Variants in USP28 observed in about 807,000 individuals in gnomAD.
USP28 encodes the protein ubiquitin carboxyl-terminal hydrolase 28.
USP28 carries 113 observed loss-of-function variants against 145.0 expected under a neutral mutation model. The ratio of observed to expected loss-of-function variants is 0.78; its 90% confidence interval spans 0.67 to 0.91. USP28 has a LOEUF of 0.91. Ranked by LOEUF, USP28 falls within the 40% of genes least tolerant of loss-of-function variation. The probability of loss-of-function intolerance (pLI) is 0.00; values close to 1 mark genes in which losing one functional copy is unlikely to be tolerated. For synonymous variants in USP28, 447 were observed against 450.9 expected (o/e 0.99, Z 0.11); for missense variants, 1,201 against 1,289.6 (o/e 0.93, Z 1.05).
chr11:113,819,560 T>A (rs1942293372), intron 12 of USP28, among the ~76,000 whole-genome samples: 1 of 152,214 alleles, frequency 6.6e-6, no homozygotes, highest in African/African-American at 2.4e-5. Flanking sequence ...TCTTTTATAT[T>A]TTCCCAGGAC....
intron 1 of USP28, among the ~76,000 whole-genome samples, chr11:113,855,819 G>A (rs559238330): frequency 4.6e-4 from 70 of 152,338 alleles, no homozygotes; most frequent in Non-Finnish European, 6.8e-4. Context: ...GCTGAGGCAG[G>A]AGAATTGCTT....
At chr11:113,865,077 C>T (rs903756900) in intron 1 of USP28, among the ~76,000 whole-genome samples, 5 of 152,170 alleles carry the variant, frequency 3.3e-5, no homozygotes, top group African/African-American at 7.2e-5. Context: ...TGAGGTCAAG[C>T]AATCCCCCCC....
chr11:113,809,304 C>T (rs1217614295), intron 16 of USP28, 50 bp from the exon 17 acceptor site: 3 of 1,541,834 alleles, frequency 1.9e-6, no homozygotes, highest in African/African-American at 2.8e-5. Context: ...ACGAAAACAT[C>T]CTTTTTAGAA....
In USP28 at chr11:113,874,443, A is replaced by AAC. The variant is rs1229230974; in HGVS notation, c.57+1001_57+1002insGT. The AAC allele has an allele frequency of 1.3e-5, 14 of 1,117,956 alleles. No individual in the cohort carries two copies. In the African/African-American group the frequency reaches 2.2e-4, roughly 17 times the overall value. 69.3% of individuals were successfully genotyped at this position (1,117,956 alleles called of 1,614,324 possible). A position where few individuals can be genotyped will look rare whatever the true frequency, so the allele number is the denominator to read the frequency against. Reference sequence around the variant, plus strand: ...CTGTCGAAAAAAAAAAAAAAAAAAAAAAAAAAGTGTCTCCATGCTAAATAC... The same window carrying AAC: ...CTGTCGAAAAAAAAAAAAAAAAAAAAACAAAAAAGTGTCTCCATGCTAAATAC... On this transcript the variant is annotated intron_variant, in intron 1 of 24. Coordinates refer to ENST00000003302, the Ensembl canonical transcript of USP28.
chr11:113,860,442 CAAAAAAAA>C, intron 1 of USP28, among the ~76,000 whole-genome samples: 1 of 134,622 alleles, frequency 7.4e-6, no homozygotes, highest in East Asian at 2.2e-4. Context: ...CCAAGGGAAG[CAAAAAAAA>C]AAAAAAGAAA....
At chr11:113,818,897 AAAG>A (rs1033853374) in intron 12 of USP28, among the ~76,000 whole-genome samples, 13 of 150,802 alleles carry the variant, frequency 8.6e-5, no homozygotes, top group Non-Finnish European at 1.8e-4. Flanking sequence ...AAAAAAAAAC[AAAG>A]AAGACAAGAC....
At chr11:113,830,019 A>T (rs1474802272) in intron 9 of USP28, among the ~76,000 whole-genome samples, 1 of 152,160 alleles carries the variant, frequency 6.6e-6, no homozygotes, top group Non-Finnish European at 1.5e-5. Flanking sequence ...TATGTTAAAT[A>T]TGTATCAGAG....
chr11:113,825,195 AAC>A (rs1264000143), intron 11 of USP28, among the ~76,000 whole-genome samples: 1 of 152,206 alleles, frequency 6.6e-6, no homozygotes, highest in Admixed American at 6.5e-5. Flanking sequence ...CAACAGACAG[AAC>A]AGACTCCAGA....
chr11:113,834,288 A>C, exon 6 of USP28: 1 of 1,612,156 alleles, frequency 6.2e-7, no homozygotes, highest in Non-Finnish European at 8.5e-7. Flanking sequence ...TTTGTGGCAG[A>C]CTATAACTGA....
chr11:113,813,733 TAAAG>T, intron 15 of USP28, 148 bp downstream of exon 15: 1 of 686,162 alleles, frequency 1.5e-6, no homozygotes. Flanking sequence ...TAGCCTAAAA[TAAAG>T]AAACAGAACA....
intron 17 of USP28, 36 bp downstream of exon 17, chr11:113,809,027 T>C: frequency 6.3e-7 from 1 of 1,598,178 alleles, no homozygotes; most frequent in Non-Finnish European, 8.5e-7. Context: ...GCATGAGATG[T>C]TACTGGATCA....
exon 23 of USP28, chr11:113,803,206 C>G: frequency 6.2e-7 from 1 of 1,614,118 alleles, no homozygotes; most frequent in Non-Finnish European, 8.5e-7. Context: ...CTTTGACCCC[C>G]CGGCGGGGCC....
At position 113,829,188 on chromosome 11, in the gene USP28, C is replaced by G. The variant is rs751632017; in HGVS notation, c.1059+9G>C. ...TCACTGGCACAGCAAATAAAGATCT[C>G]CAACGTACCTCTTGTCCATACTTCA... On this transcript the variant is annotated intron_variant, in intron 10 of 24. Transcript: ENST00000003302. 1.4e-5 allele frequency: 23 copies of G among 1,610,538 alleles called. No homozygotes were observed. The Middle Eastern group carries it at 4.9e-4, about 35-fold the overall frequency.
rs373102828 is a variant in USP28, at chr11:113,815,374, G to A, written c.1472C>T (p.Thr491Ile). The A allele has an allele frequency of 3.7e-6, 6 of 1,613,712 alleles. No individual in the cohort carries two copies. The African/African-American group carries it at 8.0e-5, about 22-fold the overall frequency. The change falls in exon 14 of 25, where the codon ACA becomes ATA. Residue 491 changes from threonine (T) to isoleucine (I), a missense_variant. By Grantham distance (89) the Thr-to-Ile change is moderately conservative. Coordinates refer to ENST00000003302, the Ensembl canonical transcript of USP28. ...TTCAACATCCTGAGAAGAGCTTTCT[G>A]TACTTGTACTGAGGAAGACAAAAAT...
At chr11:113,870,117 G>A (rs1240778452) in intron 1 of USP28, among the ~76,000 whole-genome samples, 1 of 152,082 alleles carries the variant, frequency 6.6e-6, no homozygotes, top group Non-Finnish European at 1.5e-5. Flanking sequence ...AGCCAAGATC[G>A]TGCCAATGCA....
intron 13 of USP28, 128 bp from the exon 14 acceptor site, chr11:113,815,510 G>GGTTGGCTCT: frequency 1.2e-6 from 1 of 816,032 alleles, no homozygotes; most frequent in South Asian, 1.8e-5. Flanking sequence ...ACTCTATAAA[G>GGTTGGCTCT]GTACAGAGCC....
chr11:113,874,691 A>G (rs955333150), intron 1 of USP28: 4 of 1,218,666 alleles, frequency 3.3e-6, no homozygotes, highest in Non-Finnish European at 4.2e-6. Context: ...GACATGCTCA[A>G]ATTGCCCTCT....
At chr11:113,874,440 A>C in intron 1 of USP28, 2 of 1,111,498 alleles carry the variant, frequency 1.8e-6, no homozygotes, top group Non-Finnish European at 2.3e-6. Context: ...AAAAAAAAAA[A>C]AAAAAAAAAG....
At chr11:113,849,549 A>T (rs1478547664) in intron 3 of USP28, among the ~76,000 whole-genome samples, 1 of 152,168 alleles carries the variant, frequency 6.6e-6, no homozygotes, top group Non-Finnish European at 1.5e-5. Context: ...GGCCTATTAA[A>T]GGGATGTCCG....
Sources: gnomAD v4.1 joint callset for allele counts (sites outside exome capture counted in the v4.1 genomes callset) on GRCh38, gnomAD v4.1.1 for gene constraint, MANE v1.5 for transcripts, NCBI Gene and HGNC (gene_info 2026-07-23, HGNC 2026-07-21) for gene names.